The following ALG10 variants were observed in gnomAD, a reference collection of about 807,000 sequenced individuals.
ALG10 encodes the protein dol-P-Glc:Glc(2)Man(9)GlcNAc(2)-PP-Dol alpha-1,2-glucosyltransferase A.
In ALG10, 25 loss-of-function variants were observed where a neutral mutation model predicts 39.2. The ratio of observed to expected loss-of-function variants is 0.64; its 90% confidence interval spans 0.46 to 0.89. The LOEUF (loss-of-function observed/expected upper bound fraction) is 0.89, where lower values mean the gene tolerates loss of function less well. Ranked by LOEUF, ALG10 falls within the 40% of genes least tolerant of loss-of-function variation. The pLI, the probability that ALG10 is intolerant of heterozygous loss-of-function variation, is 0.00. For missense variants in ALG10, 486 were observed against 546.6 expected, an observed-to-expected ratio of 0.89 and a Z score of 1.11; for synonymous variants, 184 against 193.9, an observed-to-expected ratio of 0.95 and a Z score of 0.42.
intron 1 of ALG10, 141 bp from the exon 2 acceptor site, chr12:34,023,821 C>T: frequency 1.7e-6 from 2 of 1,178,622 alleles, no homozygotes; most frequent in Non-Finnish European, 2.5e-6. Context: ...CCTGTTCTGC[C>T]AAGGACTTAC....
upstream of ALG10, chr12:34,022,483 G>C (rs1199013964): frequency 1.3e-6 from 2 of 1,530,282 alleles, no homozygotes; most frequent in Non-Finnish European, 1.8e-6. Context: ...CCGGTATGTG[G>C]CCCCGTCTGG....
intron 2 of ALG10, among the ~76,000 whole-genome samples, chr12:34,024,937 T>C (rs571911119): frequency 2.0e-5 from 3 of 152,056 alleles, no homozygotes; most frequent in Non-Finnish European, 4.4e-5. Flanking sequence ...GAGAAGATGG[T>C]ACCAGAGCTG....
chr12:34,023,656 A>C (rs1942802093), intron 1 of ALG10: 2 of 392,538 alleles, frequency 5.1e-6, no homozygotes, highest in South Asian at 4.5e-5. Context: ...TGCTTTTAAA[A>C]ACTGGAACAT....
Position 34,026,071 on chromosome 12 carries a change from C to G in ALG10, c.578C>G (p.Ala193Gly), listed in dbSNP as rs756625926. Reference sequence around the variant, plus strand: ...TTTCGGCAAACAAATATCATCTGGGCTGTCTTCTGTGCAGGAAATGTCATT... The same window carrying G: ...TTTCGGCAAACAAATATCATCTGGGGTGTCTTCTGTGCAGGAAATGTCATT... Reference protein sequence around the residue: ...FMFRQTNIIWAVFCAGNVIAQ... With the variant: ...FMFRQTNIIWGVFCAGNVIAQ... The change falls in exon 3 of 3, where the codon GCT becomes GGT. Residue 193 changes from alanine (A) to glycine (G), a missense_variant. Physicochemically the swap from Ala to Gly is moderately conservative, Grantham distance 60. Transcript: ENST00000266483. 6.2e-7 allele frequency: 1 copy of G among 1,614,048 alleles called. No homozygotes were observed. Among genetic ancestry groups the G allele is most frequent in the Non-Finnish European group, 8.5e-7 (1 of 1,179,960 alleles).
chr12:34,026,307 G>A lies in ALG10; in HGVS notation c.814G>A (p.Gly272Ser), dbSNP rs1392426447. Residue 272 changes from glycine to serine, a missense_variant, in exon 3 of 3, where the codon GGT becomes AGT. Transcript: ENST00000266483. ...GTTTTGTGCTTTTGTAGTAGTTAAT[G>A]GTGGAATTGTTATTGGCGATCGGAG... ...FLFCAFVVVN[G>S]GIVIGDRSSH... 6.2e-7 allele frequency: 1 copy of A among 1,613,892 alleles called. No individual in the cohort carries two copies. Among genetic ancestry groups the A allele is most frequent in the Non-Finnish European group, 8.5e-7 (1 of 1,179,966 alleles).
chr12:34,023,601 G>GT (rs1466784434), intron 1 of ALG10: 2 of 340,508 alleles, frequency 5.9e-6, no homozygotes, highest in African/African-American at 4.3e-5. Context: ...GGAGCCTGTG[G>GT]TCCAAATGTT....
At chr12:34,022,490 C>T (rs1267428643), upstream of ALG10, 2 of 1,565,038 alleles carry the variant, frequency 1.3e-6, no homozygotes, top group South Asian at 1.1e-5. Flanking sequence ...GTGGCCCCGT[C>T]TGGCTAGTCC....
rs1179704753 is a variant in ALG10, at chr12:34,023,827, C to T, written c.172-135C>T. 33 of 1,220,196 alleles carry T rather than the reference C, an allele frequency of 2.7e-5. 1 individual carries two copies. Among genetic ancestry groups the T allele is most frequent in the Non-Finnish European group, 4.0e-5 (33 of 831,370 alleles). The allele number at this position is 1,220,196 out of a possible 1,614,324, so 75.6% of individuals were successfully genotyped here. ...AAAACGAATCCTGTTCTGCCAAGGACTTACTTAATCTTGTCATAGAATAAC... is the reference window on the plus strand; with the variant it reads ...AAAACGAATCCTGTTCTGCCAAGGATTTACTTAATCTTGTCATAGAATAAC... On this transcript the variant is annotated intron_variant, in intron 1 of 2. Coordinates refer to ENST00000266483, the MANE Select transcript of ALG10 (RefSeq NM_032834.4).
Position 34,026,111 on chromosome 12 carries a change from G to C in ALG10, c.618G>C (p.Thr206=). 4 of 1,613,982 alleles carry C rather than the reference G, an allele frequency of 2.5e-6. No homozygotes were observed. The highest frequency in any genetic ancestry group is 3.4e-6 in the Non-Finnish European group (4 of 1,179,936). ...GAAATGTCATTGCACAAAAGTTAAC[G>C]GAGGCTTGGAAAACTGAGCTACAAA... ...CAGNVIAQKL[T]EAWKTELQKK... is the part of the protein sequence containing the mutation. The change falls in exon 3 of 3, where the codon ACG becomes ACC. Residue 206 remains threonine (T), a synonymous_variant. Coordinates refer to ENST00000266483, the MANE Select transcript of ALG10 (RefSeq NM_032834.4).
Position 34,022,632 on chromosome 12 carries a change from C to A in ALG10, c.33C>A (p.Ala11=). 6.2e-7 allele frequency: 1 copy of A among 1,614,134 alleles called. No individual in the cohort carries two copies. Among genetic ancestry groups the A allele is most frequent in the Non-Finnish European group, 8.5e-7 (1 of 1,180,016 alleles). Reference sequence around the variant, plus strand: ...AGCTGGAAGGTTACTATTTCTCGGCCGCCTTGAGCTGTACCTTTTTAGTAT... The same window carrying A: ...AGCTGGAAGGTTACTATTTCTCGGCAGCCTTGAGCTGTACCTTTTTAGTAT... MAQLEGYYFS[A]ALSCTFLVSC... Residue 11 remains alanine, a synonymous_variant, in exon 1 of 3, where the codon GCC becomes GCA. Coordinates refer to ENST00000266483, the MANE Select transcript of ALG10 (RefSeq NM_032834.4).
At chr12:34,022,959 C>G (rs1225628050) in intron 1 of ALG10, 189 bp downstream of exon 1, 1 of 822,452 alleles carries the variant, frequency 1.2e-6, no homozygotes, top group Non-Finnish European at 1.8e-6. Context: ...AATGAATAAA[C>G]AGCAGATCTG....
chr12:34,025,965 T>G lies in ALG10; in HGVS notation c.472T>G (p.Phe158Val), dbSNP rs757589635. ...TTATTATACAGAAGCAGGATCTATGTTTTTTACTCTTTTTGCGTATTTGAT... is the reference window on the plus strand; with the variant it reads ...TTATTATACAGAAGCAGGATCTATGGTTTTTACTCTTTTTGCGTATTTGAT... ...FLYYTEAGSM[F>V]FTLFAYLMCL... is the part of the protein sequence containing the mutation. The change falls in exon 3 of 3, where the codon TTT becomes GTT. Residue 158 changes from phenylalanine to valine, a missense_variant. By Grantham distance (50) the Phe-to-Val change is conservative (BLOSUM62 -1). Transcript: ENST00000266483. 3.7e-6 allele frequency: 6 copies of G among 1,613,940 alleles called. No individual in the cohort carries two copies. The highest frequency in any genetic ancestry group is 5.1e-6 in the Non-Finnish European group (6 of 1,179,942).
intron 2 of ALG10, among the ~76,000 whole-genome samples, chr12:34,024,896 G>A (rs1942814788): frequency 6.6e-6 from 1 of 152,094 alleles, no homozygotes; most frequent in Admixed American, 6.6e-5. Context: ...TGGGAGGGAG[G>A]GGAGTATGTG....
intron 1 of ALG10, 153 bp from the exon 2 acceptor site, chr12:34,023,809 A>C: frequency 9.4e-7 from 1 of 1,065,784 alleles, no homozygotes; most frequent in Non-Finnish European, 1.4e-6. Context: ...AGAAAAACGA[A>C]TCCTGTTCTG....
intron 1 of ALG10, 25 bp from the exon 2 acceptor site, chr12:34,023,937 T>C: frequency 1.2e-6 from 2 of 1,613,634 alleles, no homozygotes; most frequent in Admixed American, 3.3e-5. Flanking sequence ...CTCTTGCTTT[T>C]ACTTCATTTT....
upstream of ALG10, chr12:34,022,388 A>G (rs1942785169): frequency 1.4e-6 from 1 of 705,522 alleles, no homozygotes; most frequent in Non-Finnish European, 2.3e-6. Context: ...GAGGGTAATC[A>G]TCCGGTCCGT....
rs1305103952 is a variant in ALG10 at position 34,028,180 on chromosome 12, T to G, written c.*1265T>G. The G allele has an allele frequency of 6.6e-6, 1 of 151,892 alleles. No individual in the cohort carries two copies. The highest frequency in any genetic ancestry group is 1.5e-5 in the Non-Finnish European group (1 of 68,032). 9.4% of individuals were successfully genotyped at this position (151,892 alleles called of 1,614,324 possible). Reference sequence around the variant, plus strand: ...TTCATATGATTGTTAGGAGACTACCTTTTTAGATTTTTTTTATTATATATC... The same window carrying G: ...TTCATATGATTGTTAGGAGACTACCGTTTTAGATTTTTTTTATTATATATC... On this transcript the variant is annotated 3_prime_UTR_variant, in exon 3 of 3. Transcript: ENST00000266483.
In ALG10 at chr12:34,024,022, C is replaced by T. The variant is rs1942806345; in HGVS notation, c.232C>T (p.Pro78Ser). Reference sequence around the variant, plus strand: ...CCTGGTGTCAATTGGAGTGATCAAACCTGCCATTTGGATCTTTGGATGGTC... The same window carrying T: ...CCTGGTGTCAATTGGAGTGATCAAATCTGCCATTTGGATCTTTGGATGGTC... Reference protein sequence around the residue: ...LYLVSIGVIKPAIWIFGWSEH... With the variant: ...LYLVSIGVIKSAIWIFGWSEH... The change falls in exon 2 of 3, where the codon CCT (proline) becomes TCT (serine). Residue 78 changes from proline (P) to serine (S), a missense_variant. Transcript: ENST00000266483. 1.9e-6 allele frequency: 3 copies of T among 1,614,110 alleles called. No homozygotes were observed. Among genetic ancestry groups the T allele is most frequent in the Non-Finnish European group, 8.5e-7 (1 of 1,180,014 alleles).
chr12:34,022,923 G>A, intron 1 of ALG10, 153 bp downstream of exon 1: 1 of 1,004,570 alleles, frequency 1.0e-6, no homozygotes, highest in Non-Finnish European at 1.4e-6. Flanking sequence ...TCCTGTCTCT[G>A]AGATCTGTGA....
Sources: allele counts gnomAD v4.1 joint callset (sites outside exome capture counted in the v4.1 genomes callset), GRCh38; gene constraint gnomAD v4.1.1; transcripts MANE v1.5; gene names NCBI Gene and HGNC (gene_info 2026-07-23, HGNC 2026-07-21).